MARCHF2: variants seen among roughly 807,000 people sequenced by gnomAD.
The protein encoded by MARCHF2 is E3 ubiquitin-protein ligase MARCHF2.
Under a neutral mutation model 24.0 loss-of-function variants are expected in MARCHF2, and 22 were observed. The observed-to-expected ratio is 0.92, with a 90% CI of 0.66 to 1.31. The LOEUF (loss-of-function observed/expected upper bound fraction) is 1.31, where lower values mean the gene tolerates loss of function less well. Ranked by LOEUF, MARCHF2 falls within the 50% of genes most tolerant of loss-of-function variation. The probability of loss-of-function intolerance (pLI) is 0.00; values close to 1 mark genes in which losing one functional copy is unlikely to be tolerated. For missense variants in MARCHF2, 301 were observed against 335.3 expected, an observed-to-expected ratio of 0.90 and a Z score of 0.80; for synonymous variants, 154 against 153.0, an observed-to-expected ratio of 1.01 and a Z score of -0.05.
At chr19:8,416,742 T>C (rs1208275959) in intron 1 of MARCHF2, among the ~76,000 whole-genome samples, 2 of 152,126 alleles carry the variant, frequency 1.3e-5, no homozygotes, top group Non-Finnish European at 2.9e-5. Context: ...CATTTTTGTA[T>C]TTTTTGTAGA....
chr19:8,417,492 C>T (rs1967113375), intron 1 of MARCHF2, among the ~76,000 whole-genome samples: 1 of 152,058 alleles, frequency 6.6e-6, no homozygotes, highest in East Asian at 1.9e-4. Context: ...GGCTGGAGTG[C>T]AGTGGCGTGA....
chr19:8,422,033 T>C lies in MARCHF2; in HGVS notation c.176+17T>C. The C allele has an allele frequency of 6.3e-7, 1 of 1,592,184 alleles. No individual in the cohort carries two copies. The highest frequency in any genetic ancestry group is 1.1e-5 in the South Asian group (1 of 88,484). On this transcript the variant is annotated intron_variant, in intron 2 of 4. Coordinates refer to ENST00000215555, the MANE Select transcript of MARCHF2 (RefSeq NM_001005415.2). Reference sequence around the variant, plus strand: ...CACACCGAGGTGAGTGGTGACTGCGTGGATATCCTGGCCTTTGTTGCCTCT... The same window carrying C: ...CACACCGAGGTGAGTGGTGACTGCGCGGATATCCTGGCCTTTGTTGCCTCT...
chr19:8,431,643 C>A (rs530478196), intron 4 of MARCHF2, among the ~76,000 whole-genome samples: 83 of 152,074 alleles, frequency 5.5e-4, no homozygotes, highest in African/African-American at 1.9e-3. Flanking sequence ...TCAAGACCAG[C>A]CTGGCCAACA....
At chr19:8,428,432 G>A (rs1354274924) in intron 3 of MARCHF2, among the ~76,000 whole-genome samples, 2 of 151,614 alleles carry the variant, frequency 1.3e-5, no homozygotes, top group Non-Finnish European at 2.9e-5. Flanking sequence ...AGGTTGCAGT[G>A]AGCTGAGACT....
At chr19:8,413,859 A>G (rs1047943437) in intron 1 of MARCHF2, 1 of 152,246 alleles carries the variant, frequency 6.6e-6, no homozygotes, top group African/African-American at 2.4e-5. Flanking sequence ...GCCCTGTGCT[A>G]TGTGGGTGCT....
intron 3 of MARCHF2, among the ~76,000 whole-genome samples, chr19:8,428,829 T>C (rs1967493559): frequency 6.7e-6 from 1 of 149,556 alleles, no homozygotes; most frequent in East Asian, 2.2e-4. Context: ...CTGGGCATGG[T>C]GGCGGGGGCC....
intron 2 of MARCHF2, among the ~76,000 whole-genome samples, chr19:8,425,848 C>A (rs1967383903): frequency 6.6e-6 from 1 of 151,436 alleles, no homozygotes; most frequent in Non-Finnish European, 1.5e-5. Context: ...AAATCCTGAC[C>A]TCATGATCCT....
intron 1 of MARCHF2, among the ~76,000 whole-genome samples, chr19:8,420,111 T>A (rs1967192451): frequency 6.7e-6 from 1 of 150,206 alleles, no homozygotes; most frequent in Non-Finnish European, 1.5e-5. Context: ...TGAGCTGAGA[T>A]CGCGCCACTG....
At chr19:8,432,020 T>C (rs1967599774) in intron 4 of MARCHF2, among the ~76,000 whole-genome samples, 1 of 151,606 alleles carries the variant, frequency 6.6e-6, no homozygotes, top group African/African-American at 2.4e-5. Flanking sequence ...TAACCTGGTG[T>C]GGTGGCATGT....
intron 3 of MARCHF2, among the ~76,000 whole-genome samples, chr19:8,428,640 ACT>A (rs1271291334): frequency 5.1e-5 from 6 of 117,384 alleles, no homozygotes; most frequent in Admixed American, 1.0e-4. Flanking sequence ...ACAGATTGAG[ACT>A]CTATCTCAAA....
intron 4 of MARCHF2, among the ~76,000 whole-genome samples, chr19:8,434,416 A>T (rs1209501995): frequency 1.3e-5 from 2 of 151,346 alleles, no homozygotes; most frequent in Non-Finnish European, 1.5e-5. Flanking sequence ...TGTAAATAGG[A>T]TGAAATCATA....
chr19:8,415,065 C>G (rs1244177589), intron 1 of MARCHF2, among the ~76,000 whole-genome samples: 1 of 152,178 alleles, frequency 6.6e-6, no homozygotes, highest in African/African-American at 2.4e-5. Flanking sequence ...CTTTCCCCAT[C>G]ATAGGGTGTA....
Position 8,438,467 on chromosome 19 carries a change from C to T in MARCHF2, c.662C>T (p.Ala221Val), listed in dbSNP as rs1425564961. ...AAAGTTCGCCTGAAGATCCGGGAGGCGGACAGCCCCGAGGGCCCCCAGCAT... is the reference window on the plus strand; with the variant it reads ...AAAGTTCGCCTGAAGATCCGGGAGGTGGACAGCCCCGAGGGCCCCCAGCAT... ...NQKVRLKIRE[A>V]DSPEGPQHSP... The change falls in exon 5 of 5, where the codon GCG becomes GTG. Residue 221 changes from alanine to valine, a missense_variant. Physicochemically the swap from Ala to Val is moderately conservative, Grantham distance 64. Coordinates refer to ENST00000215555, the MANE Select transcript of MARCHF2 (RefSeq NM_001005415.2). The T allele has an allele frequency of 1.2e-5, 20 of 1,613,982 alleles. No individual in the cohort carries two copies. Among genetic ancestry groups the T allele is most frequent in the East Asian group, 4.5e-5 (2 of 44,888 alleles).
At chr19:8,419,556 C>T (rs1184022432) in intron 1 of MARCHF2, among the ~76,000 whole-genome samples, 1 of 151,606 alleles carries the variant, frequency 6.6e-6, no homozygotes, top group Non-Finnish European at 1.5e-5. Context: ...GTGGCTCACA[C>T]CTGTAATCCC....
At chr19:8,433,864 T>A (rs1167683768) in intron 4 of MARCHF2, among the ~76,000 whole-genome samples, 1 of 144,230 alleles carries the variant, frequency 6.9e-6, no homozygotes, top group Non-Finnish European at 1.5e-5. Context: ...AGAATAAGAC[T>A]CTGTCTCAAA....
chr19:8,424,815 G>T (rs942657953), intron 2 of MARCHF2, among the ~76,000 whole-genome samples: 21 of 152,158 alleles, frequency 1.4e-4, no homozygotes, highest in African/African-American at 5.1e-4. Flanking sequence ...GGAGTTTACG[G>T]GGAAACAAAG....
intron 1 of MARCHF2, among the ~76,000 whole-genome samples, chr19:8,415,721 C>CAAAAAAAAAAAAAAAAA (rs1309501077): frequency 1.6e-3 from 29 of 17,800 alleles, no homozygotes; most frequent in Non-Finnish European, 2.4e-3. Context: ...AACTCCATCT[C>CAAAAAAAAAAAAAAAAA]AAAAAAAAAA....
At chr19:8,431,932 G>A (rs963923603) in intron 4 of MARCHF2, among the ~76,000 whole-genome samples, 2 of 151,538 alleles carry the variant, frequency 1.3e-5, no homozygotes, top group African/African-American at 4.8e-5. Context: ...TGAGGCAGGC[G>A]GATTCCTTGA....
At position 8,421,905 on chromosome 19, in the gene MARCHF2, T is replaced by C. The variant is rs752813707; in HGVS notation, c.65T>C (p.Phe22Ser). The C allele has an allele frequency of 6.6e-5, 106 of 1,613,776 alleles. No homozygotes were observed. Among genetic ancestry groups the C allele is most frequent in the Middle Eastern group, 4.9e-4 (3 of 6,062 alleles). ...SLCDCSGSPA[F>S]SKVVEATGLG... ...TGTGACTGCTCCGGCAGCCCTGCCT[T>C]CTCCAAGGTCGTGGAGGCTACGGGC... is the stretch of plus-strand genomic sequence containing the variant. Residue 22 changes from phenylalanine (F) to serine (S), a missense_variant, in exon 2 of 5, where the codon TTC becomes TCC. Physicochemically the swap from Phe to Ser is radical, Grantham distance 155. Transcript: ENST00000215555.
Sources: gnomAD v4.1 joint callset for allele counts (sites outside exome capture counted in the v4.1 genomes callset) on GRCh38, gnomAD v4.1.1 for gene constraint, MANE v1.5 for transcripts, NCBI Gene and HGNC (gene_info 2026-07-23, HGNC 2026-07-21) for gene names.